Variants in SMYD3 observed in about 807,000 individuals in gnomAD.
SMYD3 encodes SET and MYND domain containing 3, also known as histone-lysine N-methyltransferase SMYD3.
A neutral mutation model predicts 57.7 loss-of-function variants in SMYD3; 36 were observed. The observed-to-expected ratio is 0.62, with a 90% confidence interval of 0.48 to 0.82. The LOEUF (loss-of-function observed/expected upper bound fraction) is 0.82, where lower values mean the gene tolerates loss of function less well. Among genes scored for constraint, SMYD3 ranks in the 40% least tolerant of loss-of-function variants. The pLI, the probability that SMYD3 is intolerant of heterozygous loss-of-function variation, is 0.00. For missense variants in SMYD3, 515 were observed against 538.8 expected (o/e 0.96, Z 0.44); for synonymous variants, 211 against 195.0 (o/e 1.08, Z -0.68).
chr1:245,994,001 G>A (rs920539332), intron 5 of SMYD3, among the ~76,000 whole-genome samples: 22 of 152,090 alleles, frequency 1.4e-4, no homozygotes, highest in Non-Finnish European at 2.2e-4. Flanking sequence ...ATGGTTAATC[G>A]CTTTAGATGC....
chr1:246,092,469 T>G (rs1008775058), intron 5 of SMYD3, among the ~76,000 whole-genome samples: 1 of 152,094 alleles, frequency 6.6e-6, no homozygotes, highest in Non-Finnish European at 1.5e-5. Context: ...ACATTTACGG[T>G]CAACCCATTT....
chr1:245,931,355 T>G (rs2056705536), intron 5 of SMYD3, among the ~76,000 whole-genome samples: 1 of 152,180 alleles, frequency 6.6e-6, no homozygotes, highest in Non-Finnish European at 1.5e-5. Context: ...AGGCCTTACT[T>G]ACTGCGGGAC....
intron 5 of SMYD3, among the ~76,000 whole-genome samples, chr1:245,943,186 A>AT (rs916167030): frequency 1.3e-5 from 2 of 149,164 alleles, no homozygotes; most frequent in Non-Finnish European, 3.0e-5. Flanking sequence ...AAAAAAAAAA[A>AT]AATCAAAGAA....
rs187781386 is a variant in SMYD3 at position 246,257,935 on chromosome 1, G to T, written c.531+69266C>A. On this transcript the variant is annotated intron_variant, in intron 5 of 11. Coordinates refer to ENST00000490107, the MANE Select transcript of SMYD3 (RefSeq NM_001167740.2). ...CCTTTACCTACTGGCATGAGTAAAAGTTCCTTGAGGCCTCTCCAAAAGTAG... is the reference window on the plus strand; with the variant it reads ...CCTTTACCTACTGGCATGAGTAAAATTTCCTTGAGGCCTCTCCAAAAGTAG... Among the ~76,000 whole-genome samples the T allele has an allele frequency of 1.5e-3, 221 of 152,256 alleles. 1 individual carries two copies. Among genetic ancestry groups the T allele is most frequent in the Middle Eastern group, 6.8e-3 (2 of 294 alleles).
intron 1 of SMYD3, among the ~76,000 whole-genome samples, chr1:246,442,486 C>T (rs960080659): frequency 5.3e-5 from 8 of 151,500 alleles, no homozygotes; most frequent in Admixed American, 2.0e-4. Context: ...AGGCAGAGGT[C>T]GCAATGAGCC....
intron 1 of SMYD3, among the ~76,000 whole-genome samples, chr1:246,448,702 TTTAAAAAAA>T (rs1481262016): frequency 2.2e-5 from 2 of 92,894 alleles, no homozygotes; most frequent in African/African-American, 5.4e-5. Context: ...ATCTCTTTTT[TTTAAAAAAA>T]AAAAAAAAAA....
At chr1:245,933,538 G>A (rs997792336) in intron 5 of SMYD3, among the ~76,000 whole-genome samples, 1 of 152,072 alleles carries the variant, frequency 6.6e-6, no homozygotes, top group African/African-American at 2.4e-5. Flanking sequence ...TTGAGCCTCT[G>A]TATTTTATAA....
At chr1:246,154,302 A>G (rs2061988185) in intron 5 of SMYD3, among the ~76,000 whole-genome samples, 1 of 152,252 alleles carries the variant, frequency 6.6e-6, no homozygotes, top group South Asian at 2.1e-4. Context: ...TTGGCAAAGT[A>G]AGATATAAAA....
chr1:245,930,733 A>C (rs957331604), intron 5 of SMYD3: 2 of 152,196 alleles, frequency 1.3e-5, no homozygotes, highest in Non-Finnish European at 2.9e-5. Flanking sequence ...AAACAAAACA[A>C]AAGTTCCTGC....
chr1:246,430,689 G>T (rs796973241), intron 1 of SMYD3, among the ~76,000 whole-genome samples: 4 of 152,244 alleles, frequency 2.6e-5, no homozygotes, highest in African/African-American at 9.6e-5. Context: ...TCCACAGAAA[G>T]ATCTAAGCTA....
chr1:245,971,053 T>C (rs7527866), intron 5 of SMYD3, among the ~76,000 whole-genome samples: 90,664 of 152,066 alleles, frequency 0.6, 30,085 homozygotes, highest in East Asian at 0.95. Context: ...AATCTAAATG[T>C]CCATTAGTGA....
chr1:246,382,737 G>A (rs1179929597), intron 1 of SMYD3, among the ~76,000 whole-genome samples: 1 of 151,826 alleles, frequency 6.6e-6, no homozygotes, highest in Admixed American at 6.6e-5. Context: ...CCAAGAACCA[G>A]GTCTCTTTCT....
intron 10 of SMYD3, among the ~76,000 whole-genome samples, chr1:245,823,292 C>T (rs915899803): frequency 7.2e-5 from 11 of 152,062 alleles, no homozygotes; most frequent in African/African-American, 2.4e-4. Context: ...TTCCCCCAAG[C>T]TTTCTTGCTC....
intron 1 of SMYD3, among the ~76,000 whole-genome samples, chr1:246,406,208 G>C (rs1488369823): frequency 6.6e-6 from 1 of 152,018 alleles, no homozygotes; most frequent in East Asian, 1.9e-4. Context: ...ACAGGTGTGA[G>C]CCACCGCGCC....
At chr1:246,141,233 ACTCT>A (rs146369082) in intron 5 of SMYD3, among the ~76,000 whole-genome samples, 5,005 of 152,118 alleles carry the variant, frequency 0.033, 279 homozygotes, top group African/African-American at 0.11. Flanking sequence ...TTGGAAATCA[ACTCT>A]CTCTAACAAC....
chr1:246,226,977 GGTTA>G lies in SMYD3; in HGVS notation c.531+100220_531+100223del, dbSNP rs762491944. Among the ~76,000 whole-genome samples, 4 of 152,036 alleles carry G rather than the reference GGTTA, an allele frequency of 2.6e-5. No individual in the cohort carries two copies. In the East Asian group the frequency reaches 5.8e-4, roughly 22 times the overall value. Reference sequence around the variant, plus strand: ...TTAGCATTATGAGATTATTAGATGAGGTTATTTATTCTCCCTAATTTTAATATTG... The same window carrying G: ...TTAGCATTATGAGATTATTAGATGAGTTTATTCTCCCTAATTTTAATATTG... On this transcript the variant is annotated intron_variant, in intron 5 of 11. Transcript: ENST00000490107.
intron 5 of SMYD3, among the ~76,000 whole-genome samples, chr1:246,260,710 C>T (rs557011966): frequency 1.3e-5 from 2 of 152,150 alleles, no homozygotes; most frequent in Admixed American, 6.5e-5. Context: ...GATTACCAGG[C>T]GTGAGCCACT....
chr1:245,763,993 GA>G, intron 11 of SMYD3, 47 bp downstream of exon 11: 20 of 1,449,136 alleles, frequency 1.4e-5, no homozygotes, highest in South Asian at 2.3e-5. Flanking sequence ...AGCAACAGCA[GA>G]AAAAAAGGAT....
intron 8 of SMYD3, among the ~76,000 whole-genome samples, chr1:245,872,229 A>G (rs1397574051): frequency 6.6e-6 from 1 of 152,230 alleles, no homozygotes; most frequent in Non-Finnish European, 1.5e-5. Context: ...TTTTTCATCT[A>G]TTTCATGAAA....
Sources: allele counts gnomAD v4.1 joint callset (sites outside exome capture counted in the v4.1 genomes callset), GRCh38; gene constraint gnomAD v4.1.1; transcripts MANE v1.5; gene names NCBI Gene and HGNC (gene_info 2026-07-23, HGNC 2026-07-21).